The following NCKAP5 variants were observed in gnomAD, a reference collection of about 807,000 sequenced individuals.
NCKAP5 encodes the protein NCK associated protein 5.
Under a neutral mutation model 167.0 loss-of-function variants are expected in NCKAP5, and 92 were observed. That is an observed-to-expected ratio of 0.55 (90% confidence interval 0.47 to 0.66). The LOEUF (loss-of-function observed/expected upper bound fraction) is 0.66, where lower values mean the gene tolerates loss of function less well. NCKAP5 is among the 30% of genes least tolerant of loss of function. The pLI is 0.00. For missense variants in NCKAP5, 2,378 were observed against 2,315.0 expected, an observed-to-expected ratio of 1.03 and a Z score of -0.56; for synonymous variants, 891 against 877.4, an observed-to-expected ratio of 1.02 and a Z score of -0.27.
At chr2:133,118,049 C>A (rs2149745909) in intron 6 of NCKAP5, 1 of 152,336 alleles carries the variant, frequency 6.6e-6, no homozygotes, top group East Asian at 1.9e-4. Context: ...CTCTATTAAA[C>A]CCTCTTCACC....
intron 6 of NCKAP5, among the ~76,000 whole-genome samples, chr2:133,115,168 T>A (rs2082030827): frequency 6.6e-6 from 1 of 152,174 alleles, no homozygotes; most frequent in Non-Finnish European, 1.5e-5. Context: ...GTGAAAGGAT[T>A]TAAACAAAAG....
intron 3 of NCKAP5, among the ~76,000 whole-genome samples, chr2:133,416,965 G>C (rs1319665650): frequency 6.6e-6 from 1 of 152,028 alleles, no homozygotes. Flanking sequence ...CTGAGGGTGG[G>C]GCAATGCTTA....
At chr2:133,629,851 C>T in the NCKAP5 span, among the ~76,000 whole-genome samples, 1 of 152,098 alleles carries the variant, frequency 6.6e-6, no homozygotes, top group African/African-American at 2.4e-5. Context: ...AGCTGGAAGC[C>T]ATCATCCTCA....
intron 6 of NCKAP5, among the ~76,000 whole-genome samples, chr2:133,103,990 T>A (rs1383655076): frequency 3.9e-5 from 6 of 151,978 alleles, no homozygotes; most frequent in Non-Finnish European, 5.9e-5. Flanking sequence ...CTTTTTTTTT[T>A]ATCATGTCCT....
the NCKAP5 span, among the ~76,000 whole-genome samples, chr2:133,650,138 T>C: frequency 6.6e-6 from 1 of 151,970 alleles, no homozygotes; most frequent in African/African-American, 2.4e-5. Flanking sequence ...AAGAATAAAA[T>C]ACCTAGGAAT....
intron 5 of NCKAP5, among the ~76,000 whole-genome samples, chr2:133,163,684 G>C (rs1397829885): frequency 6.6e-6 from 1 of 152,118 alleles, no homozygotes; most frequent in African/African-American, 2.4e-5. Context: ...GTGAGGAACA[G>C]AGCTTAGTTT....
At chr2:132,683,598 T>C (rs1685543968) in intron 19 of NCKAP5, among the ~76,000 whole-genome samples, 1 of 152,158 alleles carries the variant, frequency 6.6e-6, no homozygotes, top group Non-Finnish European at 1.5e-5. Context: ...GGCAAAATGT[T>C]ACTGAAAAGA....
chr2:132,807,037 T>C (rs1026796526), intron 11 of NCKAP5, among the ~76,000 whole-genome samples: 1 of 152,226 alleles, frequency 6.6e-6, no homozygotes, highest in African/African-American at 2.4e-5. Flanking sequence ...TTTATGTTTT[T>C]GTTTGCTTTG....
chr2:132,896,860 G>C (rs548473045), intron 8 of NCKAP5, among the ~76,000 whole-genome samples: 36 of 152,288 alleles, frequency 2.4e-4, no homozygotes, highest in Admixed American at 1.4e-3. Flanking sequence ...ATGTGGCAGA[G>C]AGAATGGCTA....
chr2:133,307,504 A>G (rs780967707), intron 3 of NCKAP5, among the ~76,000 whole-genome samples: 5 of 152,204 alleles, frequency 3.3e-5, no homozygotes, highest in Non-Finnish European at 4.4e-5. Context: ...TTGAAAAAAA[A>G]TAGTGAAGAA....
At chr2:133,321,088 G>C (rs1175448825) in intron 3 of NCKAP5, among the ~76,000 whole-genome samples, 2 of 152,182 alleles carry the variant, frequency 1.3e-5, no homozygotes, top group African/African-American at 4.8e-5. Flanking sequence ...CAGTGAGCCT[G>C]ATCACTGACC....
At chr2:133,195,665 G>A (rs1369702312) in intron 5 of NCKAP5, among the ~76,000 whole-genome samples, 1 of 152,052 alleles carries the variant, frequency 6.6e-6, no homozygotes, top group Non-Finnish European at 1.5e-5. Flanking sequence ...GGAATATCAT[G>A]AAAATCAGAA....
intron 4 of NCKAP5, among the ~76,000 whole-genome samples, chr2:133,281,175 T>G (rs2150464438): frequency 6.6e-6 from 1 of 152,348 alleles, no homozygotes; most frequent in Admixed American, 6.5e-5. Flanking sequence ...TGAAATTAAC[T>G]TTTTATAGCC....
At position 132,783,657 on chromosome 2, in the gene NCKAP5, G is replaced by A; in HGVS notation, c.3154C>T (p.Gln1052Ter). 1 of 1,613,934 alleles carries A rather than the reference G, an allele frequency of 6.2e-7. No homozygotes were observed. Among genetic ancestry groups the A allele is most frequent in the Non-Finnish European group, 8.5e-7 (1 of 1,179,878 alleles). Residue 1052 changes from glutamine to a stop codon, truncating the protein, a stop_gained, in exon 14 of 20, where the codon CAA becomes TAA. Coordinates refer to ENST00000409261, the MANE Select transcript of NCKAP5 (RefSeq NM_207363.3). LOFTEE classifies it high-confidence loss of function. Reference protein sequence around the residue: ...KRGVPKTSPRQTLGTPQRDIG... With the variant: ...KRGVPKTSPR ...TCCCTTTGTGGGGTCCCAAGTGTTT[G>A]GCGAGGAGAGGTTTTGGGGACACCT...
intron 3 of NCKAP5, among the ~76,000 whole-genome samples, chr2:133,468,842 T>C (rs956875965): frequency 3.9e-5 from 6 of 152,242 alleles, no homozygotes; most frequent in Non-Finnish European, 5.9e-5. Context: ...CCCCTGCCTT[T>C]TTTTGTTTTC....
chr2:133,604,654 C>T, the NCKAP5 span, among the ~76,000 whole-genome samples: 6 of 152,118 alleles, frequency 3.9e-5, no homozygotes, highest in Non-Finnish European at 7.4e-5. Flanking sequence ...GGGACTGAAT[C>T]TCAAACTCTC....
At chr2:133,330,053 C>CTTTTTTTTTTTTTT (rs1165568563) in intron 3 of NCKAP5, among the ~76,000 whole-genome samples, 2 of 85,692 alleles carry the variant, frequency 2.3e-5, no homozygotes, top group African/African-American at 9.3e-5. Context: ...AAAGCAAGAC[C>CTTTTTTTTTTTTTT]TTTTTTTTTT....
intron 16 of NCKAP5, among the ~76,000 whole-genome samples, chr2:132,747,969 G>T (rs1346043276): frequency 1.3e-5 from 2 of 152,172 alleles, no homozygotes; most frequent in Non-Finnish European, 2.9e-5. Flanking sequence ...CAAGCATTCT[G>T]AATCAGTAAG....
chr2:133,202,115 A>G (rs1188699058), intron 5 of NCKAP5, among the ~76,000 whole-genome samples: 1 of 152,190 alleles, frequency 6.6e-6, no homozygotes, highest in Non-Finnish European at 1.5e-5. Context: ...TGGAGGCATC[A>G]TGCTACCTGA....
Sources: gnomAD v4.1 joint callset for allele counts (sites outside exome capture counted in the v4.1 genomes callset) on GRCh38, gnomAD v4.1.1 for gene constraint, MANE v1.5 for transcripts, NCBI Gene and HGNC (gene_info 2026-07-23, HGNC 2026-07-21) for gene names.